Variants in PHAF1 observed in about 807,000 individuals in gnomAD.
The protein encoded by PHAF1 is phagophore assembly factor 1, also known as phagosome assembly factor 1.
A neutral mutation model predicts 63.1 loss-of-function variants in PHAF1; 23 were observed. The ratio of observed to expected loss-of-function variants is 0.36; its 90% CI spans 0.26 to 0.52. The LOEUF is 0.52. Among genes scored for constraint, PHAF1 ranks in the 20% least tolerant of loss-of-function variants. The pLI, the probability that PHAF1 is intolerant of heterozygous loss-of-function variation, is 0.93. For synonymous variants in PHAF1, 167 were observed against 185.0 expected, an observed-to-expected ratio of 0.90 and a Z score of 0.79; for missense variants, 427 against 517.2, an observed-to-expected ratio of 0.83 and a Z score of 1.69.
At chr16:67,112,956 G>A (rs1567635832) in intron 1 of PHAF1, among the ~76,000 whole-genome samples, 1 of 152,144 alleles carries the variant, frequency 6.6e-6, no homozygotes, top group Admixed American at 6.5e-5. Context: ...TACATTTGGG[G>A]CTGTTAGGTA....
At chr16:67,142,548 T>C (rs1963853772) in intron 10 of PHAF1, among the ~76,000 whole-genome samples, 2 of 152,244 alleles carry the variant, frequency 1.3e-5, no homozygotes, top group South Asian at 2.1e-4. Flanking sequence ...AGTGCTGCCC[T>C]GAGTGCGTGC....
chr16:67,114,591 G>A (rs925085458), intron 1 of PHAF1, among the ~76,000 whole-genome samples: 2 of 151,538 alleles, frequency 1.3e-5, no homozygotes, highest in South Asian at 2.1e-4. Context: ...CAGGAGAAAA[G>A]GTAGATGATG....
Position 67,144,869 on chromosome 16 carries a change from TAAAG to T in PHAF1, c.1003_1006del (p.Glu336ThrfsTer55). The stretch of plus-strand genomic sequence containing the variant: ...TGTGAGTTCAAGATCCCACTAGCCA[TAAAG>T]AAAGGTGAGTAGTGAAAGCTCTCAG... On this transcript the variant is annotated frameshift_variant, in exon 12 of 16. Coordinates refer to ENST00000219139, the MANE Select transcript of PHAF1 (RefSeq NM_025187.5). LOFTEE classifies it high-confidence loss of function. The T allele has an allele frequency of 6.2e-7, 1 of 1,613,916 alleles. No individual in the cohort carries two copies. The highest frequency in any genetic ancestry group is 8.5e-7 in the Non-Finnish European group (1 of 1,179,858).
At chr16:67,145,477 A>G (rs1343997518) in intron 13 of PHAF1, 58 bp downstream of exon 13, 4 of 1,613,014 alleles carry the variant, frequency 2.5e-6, no homozygotes, top group Admixed American at 1.7e-5. Flanking sequence ...ATGAGCCTGC[A>G]GGCAGTATGG....
chr16:67,147,999 A>G lies in PHAF1; in HGVS notation c.*868A>G, dbSNP rs915146265. 6.6e-6 allele frequency: 1 copy of G among 152,662 alleles called. No homozygotes were observed. Among genetic ancestry groups the G allele is most frequent in the Non-Finnish European group, 1.5e-5 (1 of 68,058 alleles). The allele number at this position is 152,662 out of a possible 1,614,324, so 9.5% of individuals were successfully genotyped here. A position where few individuals can be genotyped will look rare whatever the true frequency, so the allele number is the denominator to read the frequency against. ...GCTCAAAGCCTCTGGGGGCTCAAGGAAGGCTGGGCTGCTCAGTCCCTTCAT... is the reference window on the plus strand; with the variant it reads ...GCTCAAAGCCTCTGGGGGCTCAAGGGAGGCTGGGCTGCTCAGTCCCTTCAT... On this transcript the variant is annotated 3_prime_UTR_variant, in exon 16 of 16. Transcript: ENST00000219139.
chr16:67,134,107 C>T (rs1963520495), intron 6 of PHAF1, 61 bp from the exon 7 acceptor site: 9 of 1,393,398 alleles, frequency 6.5e-6, no homozygotes, highest in Non-Finnish European at 9.1e-6. Context: ...ACAGGGAAGA[C>T]CAGAGCCTGA....
intron 15 of PHAF1, 63 bp from the exon 16 acceptor site, chr16:67,146,982 C>A: frequency 6.9e-7 from 1 of 1,447,400 alleles, no homozygotes; most frequent in Non-Finnish European, 9.7e-7. Flanking sequence ...AGCCCTCATG[C>A]ACAGGATCTG....
intron 11 of PHAF1, 115 bp from the exon 12 acceptor site, chr16:67,144,719 C>A: frequency 8.2e-7 from 1 of 1,222,248 alleles, no homozygotes; most frequent in South Asian, 1.3e-5. Flanking sequence ...GCACTCAGAG[C>A]CAGGGCTTTG....
Position 67,109,946 on chromosome 16 carries a change from C to T in PHAF1, c.-230C>T. 1.9e-6 allele frequency: 1 copy of T among 525,170 alleles called. No individual in the cohort carries two copies. The highest frequency in any genetic ancestry group is 3.3e-6 in the Non-Finnish European group (1 of 299,058). 32.5% of individuals were successfully genotyped at this position (525,170 alleles called of 1,614,324 possible). A position where few individuals can be genotyped will look rare whatever the true frequency, so the allele number is the denominator to read the frequency against. On this transcript the variant is annotated 5_prime_UTR_variant, in exon 1 of 16. Coordinates refer to ENST00000219139, the MANE Select transcript of PHAF1 (RefSeq NM_025187.5). The stretch of plus-strand genomic sequence containing the variant: ...CCCGGCACGCCACTTTTACTGCAGT[C>T]GCGCCCGCCGCCGTCGTTGCCCCCG...
chr16:67,145,597 C>T lies in PHAF1; in HGVS notation c.1078C>T (p.His360Tyr). Reference sequence around the variant, plus strand: ...GGACAACATCCAGGAGCTCCTGGGCCACCCTGTGGAGAAGCCTGTTGTCCT... The same window carrying T: ...GGACAACATCCAGGAGCTCCTGGGCTACCCTGTGGAGAAGCCTGTTGTCCT... ...KWDNIQELLG[H>Y]PVEKPVVLHR... is the part of the protein sequence containing the mutation. Residue 360 changes from histidine to tyrosine, a missense_variant, in exon 14 of 16, where the codon CAC becomes TAC. Physicochemically the swap from His to Tyr is moderately conservative, Grantham distance 83. Transcript: ENST00000219139. The T allele has an allele frequency of 6.2e-7, 1 of 1,614,038 alleles. No homozygotes were observed. Among genetic ancestry groups the T allele is most frequent in the Non-Finnish European group, 8.5e-7 (1 of 1,179,968 alleles).
At chr16:67,125,326 G>A (rs1172548061) in intron 2 of PHAF1, among the ~76,000 whole-genome samples, 1 of 152,138 alleles carries the variant, frequency 6.6e-6, no homozygotes, top group Admixed American at 6.5e-5. Context: ...CTTAGACTTC[G>A]GCTTTTCAGG....
rs1382844854 is a variant in PHAF1, at chr16:67,147,453, TG to T, written c.*325del. ...AGGTCAACCCTTGTCCCATGCACAT[TG>T]GGAAGACTTGGGGCTCTTTCTGTGA... On this transcript the variant is annotated 3_prime_UTR_variant, in exon 16 of 16. Transcript: ENST00000219139. 2.2e-5 allele frequency: 7 copies of T among 314,710 alleles called. No individual in the cohort carries two copies. The highest frequency in any genetic ancestry group is 8.5e-4 in the Middle Eastern group (1 of 1,180). The allele number at this position is 314,710 out of a possible 1,614,324, so 19.5% of individuals were successfully genotyped here.
At chr16:67,146,478 A>G in intron 15 of PHAF1, 128 bp downstream of exon 15, 1 of 977,192 alleles carries the variant, frequency 1.0e-6, no homozygotes, top group Non-Finnish European at 1.6e-6. Flanking sequence ...CTTCTTCAGC[A>G]ACCGTGTCTG....
chr16:67,145,269 A>G, intron 12 of PHAF1, 107 bp from the exon 13 acceptor site: 1 of 1,269,596 alleles, frequency 7.9e-7, no homozygotes, highest in Non-Finnish European at 1.1e-6. Context: ...CTCCCCATGT[A>G]CTCCAACCCC....
rs147555291 is a variant in PHAF1, at chr16:67,147,091, C to A, written c.1229C>A (p.Pro410His). The change falls in exon 16 of 16, where the codon CCC (proline) becomes CAC (histidine). Residue 410 changes from proline (P) to histidine (H), a missense_variant. Transcript: ENST00000219139. ...GCCTCGGTGACCCTGTATGGCCCCCCCAGGCCTGGTAGCCACCTGAGAACA... is the reference window on the plus strand; with the variant it reads ...GCCTCGGTGACCCTGTATGGCCCCCACAGGCCTGGTAGCCACCTGAGAACA... The part of the protein sequence containing the change: ...HIASVTLYGP[P>H]RPGSHLRTAE... The A allele has an allele frequency of 4.3e-6, 7 of 1,614,096 alleles. No individual in the cohort carries two copies. The highest frequency in any genetic ancestry group is 5.9e-6 in the Non-Finnish European group (7 of 1,179,976).
intron 5 of PHAF1, 118 bp from the exon 6 acceptor site, chr16:67,132,699 T>C (rs767642547): frequency 8.3e-7 from 1 of 1,207,948 alleles, no homozygotes. Context: ...AGTAGGCCAG[T>C]TTAGAAACAA....
At chr16:67,112,503 G>A (rs1205557067) in intron 1 of PHAF1, among the ~76,000 whole-genome samples, 4 of 151,478 alleles carry the variant, frequency 2.6e-5, no homozygotes, top group African/African-American at 7.3e-5. Flanking sequence ...ACCACTGGGC[G>A]TGATCCTGGG....
intron 1 of PHAF1, 131 bp from the exon 2 acceptor site, chr16:67,119,981 C>G: frequency 1.5e-6 from 1 of 657,932 alleles, no homozygotes; most frequent in Non-Finnish European, 2.7e-6. Context: ...CTTATTTACT[C>G]ATGTATCTGT....
Position 67,126,023 on chromosome 16 carries a change from C to A in PHAF1, c.212C>A (p.Ala71Asp). The change falls in exon 3 of 16, where the codon GCT becomes GAT. Residue 71 changes from alanine (A) to aspartate (D), a missense_variant. Ala to Asp is a moderately radical substitution (Grantham distance 126). Coordinates refer to ENST00000219139, the MANE Select transcript of PHAF1 (RefSeq NM_025187.5). ...GACGGGATCAAACTAATGTTTGATG[C>A]TTTCAATCAGAGACTTAAGGTAACT... Reference protein sequence around the residue: ...TQDGIKLMFDAFNQRLKVIEV... With the variant: ...TQDGIKLMFDDFNQRLKVIEV... The A allele has an allele frequency of 6.2e-7, 1 of 1,612,136 alleles. No individual in the cohort carries two copies.
Sources: allele counts gnomAD v4.1 joint callset (sites outside exome capture counted in the v4.1 genomes callset), GRCh38; gene constraint gnomAD v4.1.1; transcripts MANE v1.5; gene names NCBI Gene and HGNC (gene_info 2026-07-23, HGNC 2026-07-21).